The following GRM7 variants were observed in gnomAD, a reference collection of about 807,000 sequenced individuals.
The protein encoded by GRM7 is glutamate metabotropic receptor 7.
A neutral mutation model predicts 84.5 loss-of-function variants in GRM7; 35 were observed. That is an observed-to-expected ratio of 0.41 (90% CI 0.32 to 0.55). The LOEUF (loss-of-function observed/expected upper bound fraction) is 0.55. Among genes scored for constraint, GRM7 ranks in the 20% least tolerant of loss-of-function variants. GRM7 has a pLI of 0.19. For missense variants in GRM7, 1,003 were observed against 1,194.6 expected, an observed-to-expected ratio of 0.84 and a Z score of 2.36; for synonymous variants, 487 against 455.1, an observed-to-expected ratio of 1.07 and a Z score of -0.89.
intron 4 of GRM7, among the ~76,000 whole-genome samples, chr3:7,344,399 C>G (rs1692792178): frequency 6.6e-6 from 1 of 152,030 alleles, no homozygotes; most frequent in Non-Finnish European, 1.5e-5. Flanking sequence ...CCAGTTCCAT[C>G]CACGTCCCAG....
At chr3:7,633,627 C>G (rs565869571) in intron 8 of GRM7, among the ~76,000 whole-genome samples, 1 of 152,256 alleles carries the variant, frequency 6.6e-6, no homozygotes, top group East Asian at 1.9e-4. Context: ...TCCTCCACTA[C>G]TCCTGCAGCT....
At chr3:7,287,339 C>A (rs952239878) in intron 2 of GRM7, among the ~76,000 whole-genome samples, 5 of 152,080 alleles carry the variant, frequency 3.3e-5, no homozygotes, top group African/African-American at 1.2e-4. Context: ...CAAGAGAAGG[C>A]CAGTAAATTG....
At chr3:6,866,091 A>G (rs922729806) in intron 1 of GRM7, among the ~76,000 whole-genome samples, 1 of 152,206 alleles carries the variant, frequency 6.6e-6, no homozygotes, top group African/African-American at 2.4e-5. Context: ...CCATGCAATT[A>G]AGATGTCTTT....
At chr3:6,991,161 A>G (rs1694621481) in intron 1 of GRM7, among the ~76,000 whole-genome samples, 1 of 152,144 alleles carries the variant, frequency 6.6e-6, no homozygotes, top group Non-Finnish European at 1.5e-5. Flanking sequence ...TGTGCATGAG[A>G]TTACTTCTTC....
At chr3:7,150,891 A>G (rs1234232127) in intron 2 of GRM7, among the ~76,000 whole-genome samples, 2 of 152,212 alleles carry the variant, frequency 1.3e-5, no homozygotes, top group African/African-American at 4.8e-5. Context: ...TAAGGACTAC[A>G]TATATGACTC....
At chr3:7,571,419 C>T (rs908313277) in intron 7 of GRM7, among the ~76,000 whole-genome samples, 1 of 152,146 alleles carries the variant, frequency 6.6e-6, no homozygotes, top group African/African-American at 2.4e-5. Flanking sequence ...TAAATCATCT[C>T]TCTCAAGTTC....
At chr3:7,636,971 T>A (rs778334667) in intron 8 of GRM7, among the ~76,000 whole-genome samples, 5 of 152,170 alleles carry the variant, frequency 3.3e-5, no homozygotes, top group Non-Finnish European at 7.3e-5. Flanking sequence ...GTCTTCCCTC[T>A]TTATTATGGA....
intron 2 of GRM7, among the ~76,000 whole-genome samples, chr3:7,152,179 C>T (rs967337161): frequency 2.0e-5 from 3 of 152,164 alleles, no homozygotes; most frequent in Non-Finnish European, 4.4e-5. Flanking sequence ...ATTAGCACAA[C>T]ATTTCAGCTT....
intron 2 of GRM7, among the ~76,000 whole-genome samples, chr3:7,152,101 A>G (rs1301132666): frequency 6.6e-6 from 1 of 152,192 alleles, no homozygotes; most frequent in Admixed American, 6.5e-5. Flanking sequence ...ATCTTTAGGT[A>G]CATTTAAAAC....
Position 7,296,531 on chromosome 3 carries a change from T to G in GRM7, c.737-2153T>G, listed in dbSNP as rs1035195887. Among the ~76,000 whole-genome samples, 3 of 152,128 alleles carry G rather than the reference T, an allele frequency of 2.0e-5. No homozygotes were observed. The East Asian group carries it at 5.8e-4, about 29-fold the overall frequency. ...CTGAATCTTTATTTTCTGAAAGATT[T>G]TTAAACGACCAATTTGGCATTTTTA... On this transcript the variant is annotated intron_variant, in intron 2 of 9. Coordinates refer to ENST00000357716, the MANE Select transcript of GRM7 (RefSeq NM_000844.4).
chr3:6,988,888 A>G (rs921899959), intron 1 of GRM7, among the ~76,000 whole-genome samples: 2 of 152,236 alleles, frequency 1.3e-5, no homozygotes, highest in Admixed American at 1.3e-4. Context: ...AATATTCTTA[A>G]GGCAATGTTT....
chr3:7,351,798 C>G (rs984241), intron 4 of GRM7, among the ~76,000 whole-genome samples: 99,152 of 151,342 alleles, frequency 0.66, 33,398 homozygotes, highest in African/African-American at 0.82. Flanking sequence ...TCTGAGAGTT[C>G]CACCAGCAGA....
At chr3:7,576,989 C>T (rs1388856314) in intron 7 of GRM7, among the ~76,000 whole-genome samples, 1 of 152,232 alleles carries the variant, frequency 6.6e-6, no homozygotes, top group East Asian at 1.9e-4. Flanking sequence ...TCTTTCCACT[C>T]AGCTTCCCTC....
intron 4 of GRM7, among the ~76,000 whole-genome samples, chr3:7,371,421 A>G (rs1694128262): frequency 6.6e-6 from 1 of 151,862 alleles, no homozygotes; most frequent in African/African-American, 2.4e-5. Flanking sequence ...TAACCAAAAT[A>G]GATAATAATT....
intron 7 of GRM7, among the ~76,000 whole-genome samples, chr3:7,540,246 T>C (rs1692798287): frequency 6.6e-6 from 1 of 152,176 alleles, no homozygotes; most frequent in African/African-American, 2.4e-5. Flanking sequence ...CCCAAGAGAA[T>C]TGAAAGCATA....
chr3:7,335,537 G>A (rs1188730849), intron 4 of GRM7, among the ~76,000 whole-genome samples: 2 of 151,738 alleles, frequency 1.3e-5, no homozygotes, highest in African/African-American at 4.8e-5. Flanking sequence ...CAACCCAGCA[G>A]AAGTAAAGAA....
At chr3:7,398,485 A>G (rs1446147799) in intron 4 of GRM7, among the ~76,000 whole-genome samples, 1 of 152,156 alleles carries the variant, frequency 6.6e-6, no homozygotes, top group Non-Finnish European at 1.5e-5. Flanking sequence ...GCAATGGGCT[A>G]TCCCTAAGAT....
At chr3:7,545,525 C>T (rs912054716) in intron 7 of GRM7, among the ~76,000 whole-genome samples, 1 of 152,182 alleles carries the variant, frequency 6.6e-6, no homozygotes, top group Non-Finnish European at 1.5e-5. Flanking sequence ...CAACCTTGCA[C>T]AATGCAGTAG....
chr3:7,576,188 CA>C (rs1694953133), intron 7 of GRM7, among the ~76,000 whole-genome samples: 1 of 152,170 alleles, frequency 6.6e-6, no homozygotes, highest in African/African-American at 2.4e-5. Context: ...TGAAATTTGA[CA>C]TTTGTAAAGT....
Sources: gnomAD v4.1 joint callset for allele counts (sites outside exome capture counted in the v4.1 genomes callset) on GRCh38, gnomAD v4.1.1 for gene constraint, MANE v1.5 for transcripts, NCBI Gene and HGNC (gene_info 2026-07-23, HGNC 2026-07-21) for gene names.